The following ABCA4 variants were observed in gnomAD, a reference collection of about 807,000 sequenced individuals.
ABCA4 encodes the protein retinal-specific phospholipid-transporting ATPase ABCA4.
In ABCA4, 196 loss-of-function variants were observed where a neutral mutation model predicts 263.7. The observed-to-expected ratio is 0.74, with a 90% CI of 0.66 to 0.84. ABCA4 has a LOEUF of 0.84. Ranked by LOEUF, ABCA4 falls within the 40% of genes least tolerant of loss-of-function variation. The pLI is 0.00. For missense variants in ABCA4, 2,792 were observed against 2,855.1 expected (o/e 0.98, Z 0.50); for synonymous variants, 1,133 against 1,094.2 (o/e 1.04, Z -0.70).
intron 42 of ABCA4, 121 bp downstream of exon 42, chr1:94,008,114 C>T: frequency 1.1e-6 from 1 of 897,496 alleles, no homozygotes; most frequent in Non-Finnish European, 1.8e-6. Flanking sequence ...TTTAAAATTA[C>T]ATATGTGACT....
chr1:94,052,571 A>T (rs1263000238), intron 16 of ABCA4, among the ~76,000 whole-genome samples: 1 of 152,224 alleles, frequency 6.6e-6, no homozygotes. Context: ...GCTTGGCTAA[A>T]ATAAAACTTT....
At chr1:94,031,174 G>A (rs1028650872) in intron 27 of ABCA4, 54 bp from the exon 28 acceptor site, 19 of 1,606,648 alleles carry the variant, frequency 1.2e-5, no homozygotes, top group African/African-American at 2.7e-5. Context: ...GATGTCACAC[G>A]TGCGCGTGCA....
intron 13 of ABCA4, among the ~76,000 whole-genome samples, chr1:94,061,741 T>C (rs1661134882): frequency 6.6e-6 from 1 of 152,360 alleles, no homozygotes; most frequent in Middle Eastern, 3.4e-3. Flanking sequence ...TTCCCAGCTC[T>C]GCCTATTGTC....
Position 94,031,990 on chromosome 1 carries a change from G to T in ABCA4, c.3916C>A (p.Pro1306Thr). Reference protein sequence around the residue: ...NVNPRHPCLGPREKAGQTPQD... With the variant: ...NVNPRHPCLGTREKAGQTPQD... ...GGTGTCTGTCCAGCCTTCTCTCTGG[G>T]ACCCAAGCAGGGGTGTCGGGGGTTG... The change falls in exon 27 of 50, where the codon CCC (proline) becomes ACC (threonine). Residue 1306 changes from proline to threonine, a missense_variant. By Grantham distance (38) the Pro-to-Thr change is conservative. Coordinates refer to ENST00000370225, the MANE Select transcript of ABCA4 (RefSeq NM_000350.3). 6.2e-7 allele frequency: 1 copy of T among 1,613,920 alleles called. No individual in the cohort carries two copies. Among genetic ancestry groups the T allele is most frequent in the Non-Finnish European group, 8.5e-7 (1 of 1,180,024 alleles).
intron 49 of ABCA4, among the ~76,000 whole-genome samples, chr1:93,994,351 G>GT (rs570180824): frequency 1.8e-3 from 268 of 152,294 alleles, no homozygotes; most frequent in Non-Finnish European, 3.2e-3. Context: ...GAGTAAAAAT[G>GT]TTCTTGGTAA....
At chr1:94,038,772 G>A (rs1283223643) in intron 24 of ABCA4, among the ~76,000 whole-genome samples, 2 of 152,180 alleles carry the variant, frequency 1.3e-5, no homozygotes, top group South Asian at 2.1e-4. Flanking sequence ...TAGGTCAGCA[G>A]GGCTTTGGGC....
intron 3 of ABCA4, among the ~76,000 whole-genome samples, chr1:94,111,232 C>T (rs1662592536): frequency 6.6e-6 from 1 of 152,202 alleles, no homozygotes; most frequent in Non-Finnish European, 1.5e-5. Flanking sequence ...GTGCACGTGG[C>T]CTTAGCTTGG....
chr1:94,029,315 T>G, intron 30 of ABCA4, 130 bp downstream of exon 30: 8 of 906,350 alleles, frequency 8.8e-6, no homozygotes, highest in Non-Finnish European at 1.3e-5. Flanking sequence ...GTGCAGGGAG[T>G]TTGGTTTAGT....
intron 17 of ABCA4, 59 bp from the exon 18 acceptor site, chr1:94,049,016 A>G: frequency 6.4e-7 from 1 of 1,556,904 alleles, no homozygotes. Context: ...GAGCAAAGGC[A>G]GGAAAGGAGG....
At chr1:94,014,430 A>G (rs1216857333) in intron 38 of ABCA4, 113 bp downstream of exon 38, 1 of 1,215,870 alleles carries the variant, frequency 8.2e-7, no homozygotes, top group African/African-American at 1.5e-5. Flanking sequence ...AGAAAGTGGC[A>G]CTCATCCGCA....
chr1:94,113,726 C>T (rs918313854), intron 1 of ABCA4, among the ~76,000 whole-genome samples: 4 of 152,262 alleles, frequency 2.6e-5, no homozygotes, highest in Admixed American at 2.0e-4. Flanking sequence ...TACCAACATG[C>T]TTCCTTCAAG....
chr1:94,083,415 A>G lies in ABCA4; in HGVS notation c.795T>C (p.Ser265=). 6.2e-7 allele frequency: 1 copy of G among 1,613,838 alleles called. No homozygotes were observed. Residue 265 remains serine, a synonymous_variant, in exon 7 of 50, where the codon TCT becomes TCC. Coordinates refer to ENST00000370225, the MANE Select transcript of ABCA4 (RefSeq NM_000350.3). ...RVLPTLLDSR[S]QGINLRSWGG... The stretch of plus-strand genomic sequence containing the variant: ...CCCAAGATCTCAGATTGATACCTTG[A>G]GAACGGCTGTCTAGGAGTGTGGGAA...
intron 13 of ABCA4, chr1:94,061,578 C>T (rs1027546778): frequency 2.6e-5 from 4 of 152,142 alleles, no homozygotes; most frequent in Admixed American, 6.5e-5. Context: ...AGCATATGTT[C>T]GTAAAGCATG....
At chr1:94,041,959 C>T (rs1023570809) in intron 22 of ABCA4, among the ~76,000 whole-genome samples, 1 of 151,856 alleles carries the variant, frequency 6.6e-6, no homozygotes, top group Non-Finnish European at 1.5e-5. Flanking sequence ...ATTAGCTAGG[C>T]GTGGTGGCGG....
intron 42 of ABCA4, 49 bp from the exon 43 acceptor site, chr1:94,007,789 A>C (rs747180153): frequency 6.5e-7 from 1 of 1,534,618 alleles, no homozygotes; most frequent in Non-Finnish European, 9.0e-7. Flanking sequence ...AAGAAGGTCT[A>C]AAATGTCAGG....
At chr1:94,007,256 A>G (rs1157226112) in intron 43 of ABCA4, among the ~76,000 whole-genome samples, 1 of 152,052 alleles carries the variant, frequency 6.6e-6, no homozygotes, top group Admixed American at 6.5e-5. Context: ...ACTCCCTGAA[A>G]CGTTTTGTAA....
Position 94,031,827 on chromosome 1 carries a change from A to G in ABCA4, c.4079T>C (p.Val1360Ala), listed in dbSNP as rs1660213080. ...GCGGATGGTGTGTTGGAATCTCTTGACCAGCAGCGCCTGCACATGCTGGAG... is the reference window on the plus strand; with the variant it reads ...GCGGATGGTGTGTTGGAATCTCTTGGCCAGCAGCGCCTGCACATGCTGGAG... ...LVLQHVQALL[V>A]KRFQHTIRSH... Residue 1360 changes from valine to alanine, a missense_variant, in exon 27 of 50, where the codon GTC becomes GCC. Val to Ala is a moderately conservative substitution (Grantham distance 64). Coordinates refer to ENST00000370225, the MANE Select transcript of ABCA4 (RefSeq NM_000350.3). 2 of 1,613,978 alleles carry G rather than the reference A, an allele frequency of 1.2e-6. No individual in the cohort carries two copies. The highest frequency in any genetic ancestry group is 2.2e-5 in the East Asian group (1 of 44,890).
At chr1:94,104,073 A>G (rs1662355931) in intron 4 of ABCA4, among the ~76,000 whole-genome samples, 1 of 152,220 alleles carries the variant, frequency 6.6e-6, no homozygotes, top group African/African-American at 2.4e-5. Flanking sequence ...ACAGCACTCA[A>G]TAAATGCTTA....
intron 31 of ABCA4, among the ~76,000 whole-genome samples, 184 bp downstream of exon 31, chr1:94,024,770 T>C (rs185707041): frequency 1.3e-5 from 2 of 152,316 alleles, no homozygotes; most frequent in East Asian, 3.9e-4. Context: ...TAATCTTAAG[T>C]TACATTTTAC....
Sources: allele counts gnomAD v4.1 joint callset (sites outside exome capture counted in the v4.1 genomes callset), GRCh38; gene constraint gnomAD v4.1.1; transcripts MANE v1.5; gene names NCBI Gene and HGNC (gene_info 2026-07-23, HGNC 2026-07-21).